KCNG2: variants seen among roughly 807,000 people sequenced by gnomAD.
KCNG2 encodes the protein voltage-gated potassium channel regulatory subunit KCNG2.
In KCNG2, 7 loss-of-function variants were observed where a neutral mutation model predicts 12.3. The ratio of observed to expected loss-of-function variants is 0.57; its 90% confidence interval spans 0.32 to 1.07. The LOEUF (loss-of-function observed/expected upper bound fraction) is 1.07. KCNG2 is among the 50% of genes least tolerant of loss of function. The probability of loss-of-function intolerance (pLI) is 0.04; values close to 1 mark genes in which losing one functional copy is unlikely to be tolerated. For missense variants in KCNG2, 703 were observed against 726.0 expected, an observed-to-expected ratio of 0.97 and a Z score of 0.36; for synonymous variants, 414 against 351.4, an observed-to-expected ratio of 1.18 and a Z score of -1.99.
chr18:79,891,545 T>C (rs1980745134), intron 3 of KCNG2, among the ~76,000 whole-genome samples: 1 of 152,238 alleles, frequency 6.6e-6, no homozygotes, highest in Non-Finnish European at 1.5e-5. Context: ...AGCATTACTT[T>C]AGCTGCACCA....
intron 1 of KCNG2, among the ~76,000 whole-genome samples, chr18:79,798,934 C>G (rs1317903): frequency 0.51 from 77,208 of 152,052 alleles, 19,780 homozygotes; most frequent in South Asian, 0.65. Flanking sequence ...CCCCCGCCCG[C>G]GCGCCTGGCT....
At chr18:79,871,277 C>T (rs944517509) in intron 3 of KCNG2, among the ~76,000 whole-genome samples, 4 of 152,362 alleles carry the variant, frequency 2.6e-5, no homozygotes, top group East Asian at 3.9e-4. Flanking sequence ...TTGCGTCTGT[C>T]GCAGCCTGTC....
At chr18:79,833,205 G>A (rs1978305923) in intron 1 of KCNG2, among the ~76,000 whole-genome samples, 1 of 152,026 alleles carries the variant, frequency 6.6e-6, no homozygotes. Flanking sequence ...GTGCGATCTT[G>A]GCTTACTACA....
chr18:79,819,346 T>TG (rs1222155474), intron 1 of KCNG2, among the ~76,000 whole-genome samples: 5 of 152,218 alleles, frequency 3.3e-5, no homozygotes, highest in Admixed American at 6.5e-5. Flanking sequence ...GGACCCTTCC[T>TG]GGTGGCTGTA....
chr18:79,857,064 G>GCCC (rs147399550), intron 2 of KCNG2, among the ~76,000 whole-genome samples: 1 of 55,232 alleles, frequency 1.8e-5, no homozygotes, highest in South Asian at 6.2e-4. Context: ...CCCCACAGCC[G>GCCC]CCCCCACAGC....
At position 79,864,420 on chromosome 18, in the gene KCNG2, G is replaced by T. The variant is rs28722748; in HGVS notation, c.624+129G>T. The T allele has an allele frequency of 5.1e-3, 4,034 of 791,648 alleles. 222 individuals are homozygous for T. In the African/African-American group the frequency reaches 0.077, roughly 15 times the overall value. 49.0% of individuals were successfully genotyped at this position (791,648 alleles called of 1,614,324 possible). A position where few individuals can be genotyped will look rare whatever the true frequency, so the allele number is the denominator to read the frequency against. The stretch of plus-strand genomic sequence containing the variant: ...GCCAGGGCCTAGGACCGGGCTGGGG[G>T]CTGCCGGGACTGGGGTGGGCCGGGG... On this transcript the variant is annotated intron_variant, in intron 3 of 3. Transcript: ENST00000316249.
At chr18:79,851,365 T>G (rs894683329) in intron 1 of KCNG2, among the ~76,000 whole-genome samples, 7 of 152,148 alleles carry the variant, frequency 4.6e-5, no homozygotes, top group Non-Finnish European at 1.0e-4. Flanking sequence ...ATCAATCTGT[T>G]CCCGTAGCCA....
chr18:79,848,449 G>T (rs999576422), intron 1 of KCNG2, among the ~76,000 whole-genome samples: 1 of 152,212 alleles, frequency 6.6e-6, no homozygotes, highest in African/African-American at 2.4e-5. Flanking sequence ...GCCCTCCTTG[G>T]CTGTGACCTC....
chr18:79,818,454 G>A (rs1413643163), intron 1 of KCNG2, among the ~76,000 whole-genome samples: 2 of 151,666 alleles, frequency 1.3e-5, no homozygotes, highest in African/African-American at 4.9e-5. Context: ...TGGCCCCCTC[G>A]ATTTTTCTAG....
At chr18:79,798,483 C>T (rs946129645) in intron 1 of KCNG2, among the ~76,000 whole-genome samples, 21 of 152,188 alleles carry the variant, frequency 1.4e-4, no homozygotes, top group Admixed American at 3.9e-4. Flanking sequence ...ACCCGGCTCG[C>T]GCGGAGAGCG....
At chr18:79,850,420 T>A (rs180850513) in intron 1 of KCNG2, among the ~76,000 whole-genome samples, 25 of 152,334 alleles carry the variant, frequency 1.6e-4, no homozygotes, top group Non-Finnish European at 3.2e-4. Context: ...TTATTCAGAG[T>A]TCCTATTTCT....
intron 3 of KCNG2, among the ~76,000 whole-genome samples, chr18:79,897,360 T>C (rs938646793): frequency 6.6e-6 from 1 of 152,240 alleles, no homozygotes; most frequent in Non-Finnish European, 1.5e-5. Context: ...GCTTTTCTAG[T>C]GATTTTTAAA....
In KCNG2 at chr18:79,899,258, G is replaced by C; in HGVS notation, c.843G>C (p.Glu281Asp). The change falls in exon 4 of 4, where the codon GAG becomes GAC. Residue 281 changes from glutamate to aspartate, a missense_variant. Glu to Asp is a conservative substitution (Grantham distance 45, BLOSUM62 2). Coordinates refer to ENST00000316249, the MANE Select transcript of KCNG2 (RefSeq NM_012283.2). ...GCCCGGGCGGGACCAAGCTCCTGGA[G>C]CGCGCGGGGCTGGTGCTGCGGCTGC... ...AAGPGGTKLL[E>D]RAGLVLRLLR... The C allele has an allele frequency of 6.3e-7, 1 of 1,589,026 alleles. No individual in the cohort carries two copies. The highest frequency in any genetic ancestry group is 8.5e-7 in the Non-Finnish European group (1 of 1,174,340).
chr18:79,827,311 A>G (rs1281343663), intron 1 of KCNG2, among the ~76,000 whole-genome samples: 2 of 152,252 alleles, frequency 1.3e-5, no homozygotes, highest in Admixed American at 6.5e-5. Flanking sequence ...GAGGGTTTCA[A>G]ACTAAGCCTC....
intron 1 of KCNG2, among the ~76,000 whole-genome samples, chr18:79,819,772 C>T (rs561624072): frequency 1.3e-5 from 2 of 152,230 alleles, no homozygotes; most frequent in South Asian, 2.1e-4. Context: ...TTCCAACCGC[C>T]GTGCTGTGCA....
chr18:79,832,494 C>T (rs1027316597), intron 1 of KCNG2, among the ~76,000 whole-genome samples: 5 of 152,200 alleles, frequency 3.3e-5, no homozygotes, highest in African/African-American at 1.2e-4. Context: ...CCTGCCCTTC[C>T]TCACCTGCCC....
At chr18:79,818,793 G>A (rs1333518061) in intron 1 of KCNG2, among the ~76,000 whole-genome samples, 3 of 152,204 alleles carry the variant, frequency 2.0e-5, no homozygotes, top group East Asian at 1.9e-4. Flanking sequence ...CTCCGTGGGG[G>A]CTTTGGGGCT....
chr18:79,873,954 T>G (rs1266377544), intron 3 of KCNG2, among the ~76,000 whole-genome samples: 2 of 152,354 alleles, frequency 1.3e-5, no homozygotes, highest in African/African-American at 4.8e-5. Context: ...CAGACACGTT[T>G]CGGGCCACTT....
intron 1 of KCNG2, among the ~76,000 whole-genome samples, chr18:79,850,849 G>A (rs1001710032): frequency 5.3e-5 from 8 of 152,320 alleles, no homozygotes; most frequent in East Asian, 1.9e-4. Flanking sequence ...TCAAACGCAC[G>A]TTGCTTTTGT....
Sources: gnomAD v4.1 joint callset for allele counts (sites outside exome capture counted in the v4.1 genomes callset) on GRCh38, gnomAD v4.1.1 for gene constraint, MANE v1.5 for transcripts, NCBI Gene and HGNC (gene_info 2026-07-23, HGNC 2026-07-21) for gene names.